PAM: variants seen among roughly 807,000 people sequenced by gnomAD.
PAM encodes the protein peptidyl-glycine alpha-amidating monooxygenase.
PAM carries 72 observed loss-of-function variants against 122.1 expected under a neutral mutation model. That is an observed-to-expected ratio of 0.59 (90% confidence interval 0.49 to 0.72). PAM has a LOEUF of 0.72. Among genes scored for constraint, PAM ranks in the 30% least tolerant of loss-of-function variants. PAM has a pLI of 0.00. For missense variants in PAM, 1,106 were observed against 1,183.7 expected, an observed-to-expected ratio of 0.93 and a Z score of 0.96; for synonymous variants, 389 against 404.4, an observed-to-expected ratio of 0.96 and a Z score of 0.46.
intron 4 of PAM, among the ~76,000 whole-genome samples, chr5:102,911,276 A>G (rs1334750520): frequency 1.3e-5 from 2 of 151,928 alleles, no homozygotes; most frequent in East Asian, 3.9e-4. Context: ...GTGTACTTCT[A>G]ATATACTTAG....
At chr5:102,988,905 C>A (rs555361359) in intron 15 of PAM, among the ~76,000 whole-genome samples, 7 of 152,298 alleles carry the variant, frequency 4.6e-5, no homozygotes, top group African/African-American at 1.7e-4. Flanking sequence ...TGTTCTCACA[C>A]AAGCATCCTT....
chr5:102,892,161 T>C (rs1214862511), intron 3 of PAM, among the ~76,000 whole-genome samples: 1 of 151,742 alleles, frequency 6.6e-6, no homozygotes, highest in Non-Finnish European at 1.5e-5. Flanking sequence ...AGACTTTCCC[T>C]CCCCTAGCCT....
intron 1 of PAM, among the ~76,000 whole-genome samples, chr5:102,805,704 A>T (rs1328448800): frequency 6.6e-6 from 1 of 152,210 alleles, no homozygotes. Context: ...TATGATCTCT[A>T]ATAAGGTGGT....
At chr5:102,950,416 GGTGT>G (rs1554134180) in intron 11 of PAM, among the ~76,000 whole-genome samples, 3 of 146,050 alleles carry the variant, frequency 2.1e-5, no homozygotes, top group South Asian at 2.2e-4. Flanking sequence ...TATGTGGGTG[GGTGT>G]GTGTGTGTGT....
chr5:102,868,755 G>C (rs1032227455), intron 3 of PAM, among the ~76,000 whole-genome samples: 1 of 151,950 alleles, frequency 6.6e-6, no homozygotes, highest in African/African-American at 2.4e-5. Flanking sequence ...TTATCAAATA[G>C]TCTTTTGTTT....
chr5:102,774,468 A>G (rs1756632061), intron 1 of PAM, among the ~76,000 whole-genome samples: 3 of 152,126 alleles, frequency 2.0e-5, no homozygotes, highest in Admixed American at 1.3e-4. Context: ...TATGGAAAAT[A>G]GCAGAAAATT....
intron 14 of PAM, among the ~76,000 whole-genome samples, chr5:102,969,232 T>C (rs1445311813): frequency 6.9e-6 from 1 of 145,550 alleles, no homozygotes; most frequent in East Asian, 2.0e-4. Context: ...GAACTTAAAG[T>C]ATAATAAAAA....
At chr5:102,833,694 A>C (rs1273881629) in intron 1 of PAM, among the ~76,000 whole-genome samples, 1 of 152,180 alleles carries the variant, frequency 6.6e-6, no homozygotes, top group Non-Finnish European at 1.5e-5. Context: ...GCATTTTTTA[A>C]AAGTATTTGG....
intron 1 of PAM, among the ~76,000 whole-genome samples, chr5:102,773,416 A>G (rs963945736): frequency 7.2e-5 from 11 of 152,110 alleles, no homozygotes; most frequent in African/African-American, 2.7e-4. Context: ...CTCTGTTGCA[A>G]CTACTCAACT....
intron 3 of PAM, among the ~76,000 whole-genome samples, chr5:102,899,537 A>C (rs149522178): frequency 0.011 from 1,622 of 151,808 alleles, 8 homozygotes; most frequent in Middle Eastern, 0.017. Context: ...CATTATAAAT[A>C]TATGCTTAGC....
intron 12 of PAM, among the ~76,000 whole-genome samples, chr5:102,954,516 T>C (rs1350944357): frequency 6.6e-6 from 1 of 151,618 alleles, no homozygotes; most frequent in Admixed American, 6.6e-5. Context: ...TAAAATGTTT[T>C]ACCCATATAT....
intron 1 of PAM, among the ~76,000 whole-genome samples, chr5:102,761,830 C>A (rs1377719371): frequency 6.6e-6 from 1 of 152,110 alleles, no homozygotes; most frequent in Non-Finnish European, 1.5e-5. Flanking sequence ...TAACTGGAGG[C>A]TTCTATAGTG....
intron 1 of PAM, among the ~76,000 whole-genome samples, chr5:102,835,292 T>C (rs1470917955): frequency 2.0e-5 from 3 of 152,112 alleles, no homozygotes; most frequent in Non-Finnish European, 2.9e-5. Context: ...TTGGTGAATA[T>C]ATACAAACTA....
chr5:102,906,395 T>G (rs1471137737), intron 4 of PAM, among the ~76,000 whole-genome samples: 2 of 151,604 alleles, frequency 1.3e-5, no homozygotes, highest in Non-Finnish European at 3.0e-5. Flanking sequence ...GTATGCAAAA[T>G]TTCATCTGGA....
At chr5:102,788,445 A>G (rs1462427592) in intron 1 of PAM, among the ~76,000 whole-genome samples, 1 of 152,124 alleles carries the variant, frequency 6.6e-6, no homozygotes, top group Non-Finnish European at 1.5e-5. Context: ...TTTATTTTTG[A>G]TAGAAACTAC....
intron 1 of PAM, among the ~76,000 whole-genome samples, chr5:102,828,754 C>T (rs1774424469): frequency 6.6e-6 from 1 of 152,136 alleles, no homozygotes; most frequent in African/African-American, 2.4e-5. Flanking sequence ...GCTAATGTAG[C>T]TGTGGCCTTG....
intron 3 of PAM, among the ~76,000 whole-genome samples, chr5:102,899,459 C>T (rs959123222): frequency 1.3e-5 from 2 of 151,528 alleles, no homozygotes; most frequent in African/African-American, 4.8e-5. Flanking sequence ...AGAGTAAAAT[C>T]GAAACCTGTT....
intron 15 of PAM, 150 bp downstream of exon 15, chr5:102,974,586 A>G: frequency 1.8e-6 from 1 of 551,176 alleles, no homozygotes; most frequent in Non-Finnish European, 3.1e-6. Flanking sequence ...TTGGGCTATC[A>G]GATAACATCT....
At chr5:102,918,505 C>T (rs973825542) in intron 5 of PAM, among the ~76,000 whole-genome samples, 2 of 151,540 alleles carry the variant, frequency 1.3e-5, no homozygotes, top group African/African-American at 4.8e-5. Context: ...TTTAAATTAC[C>T]CAGTTTAATT....
Sources: gnomAD v4.1 joint callset for allele counts (sites outside exome capture counted in the v4.1 genomes callset) on GRCh38, gnomAD v4.1.1 for gene constraint, MANE v1.5 for transcripts, NCBI Gene and HGNC (gene_info 2026-07-23, HGNC 2026-07-21) for gene names.